Variants in PTPN3 observed in about 807,000 individuals in gnomAD.
PTPN3 encodes tyrosine-protein phosphatase non-receptor type 3.
Under a neutral mutation model 132.7 loss-of-function variants are expected in PTPN3, and 96 were observed. The ratio of observed to expected loss-of-function variants is 0.72; its 90% CI spans 0.61 to 0.86. The LOEUF (loss-of-function observed/expected upper bound fraction) is 0.86. PTPN3 is among the 40% of genes least tolerant of loss of function. The pLI, the probability that PTPN3 is intolerant of heterozygous loss-of-function variation, is 0.00. For synonymous variants in PTPN3, 398 were observed against 429.0 expected, an observed-to-expected ratio of 0.93 and a Z score of 0.89; for missense variants, 1,125 against 1,159.6, an observed-to-expected ratio of 0.97 and a Z score of 0.43.
chr9:109,462,685 G>A (rs995673436), intron 2 of PTPN3, among the ~76,000 whole-genome samples: 5 of 151,974 alleles, frequency 3.3e-5, no homozygotes, highest in Admixed American at 6.5e-5. Flanking sequence ...TGGAGACCTC[G>A]TTTCTAGTGC....
intron 1 of PTPN3, among the ~76,000 whole-genome samples, chr9:109,497,198 A>G (rs2132134829): frequency 6.6e-6 from 1 of 152,322 alleles, no homozygotes; most frequent in Non-Finnish European, 1.5e-5. Flanking sequence ...CTAGGCCCTG[A>G]AGATGGTTTC....
the PTPN3 span, chr9:109,533,781 G>T: frequency 8.2e-7 from 1 of 1,223,918 alleles, no homozygotes; most frequent in Non-Finnish European, 1.2e-6. Flanking sequence ...GGCCGGCGTG[G>T]TTGAGCCTGG....
intron 5 of PTPN3, chr9:109,449,458 C>T: frequency 2.0e-6 from 2 of 985,512 alleles, no homozygotes; most frequent in Non-Finnish European, 2.4e-6. Context: ...CTGAATTCTG[C>T]ACTCATCTCT....
upstream of PTPN3, among the ~76,000 whole-genome samples, chr9:109,500,982 T>C (rs2132141717): frequency 6.6e-6 from 1 of 152,116 alleles, no homozygotes; most frequent in Non-Finnish European, 1.5e-5. Context: ...AAACATGGTG[T>C]TGACACATTC....
chr9:109,412,539 A>C (rs966165836), intron 14 of PTPN3, among the ~76,000 whole-genome samples: 12 of 151,974 alleles, frequency 7.9e-5, no homozygotes, highest in African/African-American at 2.7e-4. Context: ...ACACCCGGCT[A>C]ATTTTTTATA....
chr9:109,436,555 T>C (rs12335520), intron 9 of PTPN3, among the ~76,000 whole-genome samples: 33,782 of 152,096 alleles, frequency 0.22, 4,105 homozygotes, highest in Admixed American at 0.31. Context: ...AAATCTTGGC[T>C]CCTTAAACCG....
the PTPN3 span, among the ~76,000 whole-genome samples, chr9:109,519,989 C>T: frequency 6.6e-6 from 1 of 152,084 alleles, no homozygotes; most frequent in Admixed American, 6.5e-5. Flanking sequence ...GAAACCCTGT[C>T]TCTACTAAAA....
chr9:109,489,165 C>G (rs1453045435), intron 1 of PTPN3, among the ~76,000 whole-genome samples: 1 of 152,190 alleles, frequency 6.6e-6, no homozygotes, highest in Non-Finnish European at 1.5e-5. Context: ...CCCTGTCCAT[C>G]TATCATAAAC....
chr9:109,445,363 G>A (rs1052389935), intron 6 of PTPN3, 71 bp from the exon 7 acceptor site: 16 of 1,323,980 alleles, frequency 1.2e-5, no homozygotes, highest in East Asian at 7.0e-5. Context: ...CAGATCATGC[G>A]TAGTAACACA....
chr9:109,436,640 T>C (rs1261156416), intron 9 of PTPN3, among the ~76,000 whole-genome samples: 1 of 152,172 alleles, frequency 6.6e-6, no homozygotes, highest in African/African-American at 2.4e-5. Flanking sequence ...CAAAAATTAC[T>C]AGTTTCTAGT....
At chr9:109,423,572 C>T (rs1424768597) in intron 12 of PTPN3, among the ~76,000 whole-genome samples, 1 of 152,180 alleles carries the variant, frequency 6.6e-6, no homozygotes, top group Admixed American at 6.5e-5. Context: ...CACCACTGCA[C>T]TCCAGTCTGG....
At chr9:109,421,645 T>G (rs1381691723) in intron 13 of PTPN3, among the ~76,000 whole-genome samples, 1 of 152,268 alleles carries the variant, frequency 6.6e-6, no homozygotes, top group Non-Finnish European at 1.5e-5. Flanking sequence ...TGCTGTGTTA[T>G]AGCATAAATT....
At chr9:109,438,272 T>A (rs1277981610) in intron 7 of PTPN3, 38 bp from the exon 8 acceptor site, 1 of 1,591,966 alleles carries the variant, frequency 6.3e-7, no homozygotes, top group Non-Finnish European at 8.5e-7. Flanking sequence ...ATAATTAGTT[T>A]TGCCTTTTTA....
At chr9:109,527,440 A>T in the PTPN3 span, among the ~76,000 whole-genome samples, 1 of 152,226 alleles carries the variant, frequency 6.6e-6, no homozygotes, top group Admixed American at 6.5e-5. Flanking sequence ...CAGCTTGGAT[A>T]ACGGAGCGAG....
At chr9:109,413,201 G>A (rs991653255) in intron 14 of PTPN3, among the ~76,000 whole-genome samples, 11 of 151,662 alleles carry the variant, frequency 7.3e-5, no homozygotes, top group Admixed American at 1.3e-4. Context: ...TGATCTGCCC[G>A]CCTCGGCCTC....
intron 9 of PTPN3, 144 bp from the exon 10 acceptor site, chr9:109,433,305 C>T (rs1564436609): frequency 7.5e-7 from 1 of 1,327,028 alleles, no homozygotes; most frequent in Admixed American, 3.0e-5. Flanking sequence ...GCAAAAAGCC[C>T]CACTTAACGG....
chr9:109,445,316 CA>C, intron 6 of PTPN3, 24 bp from the exon 7 acceptor site: 1 of 1,600,292 alleles, frequency 6.2e-7, no homozygotes, highest in Non-Finnish European at 8.6e-7. Flanking sequence ...AACATATTAG[CA>C]AAGTCACAAG....
At chr9:109,529,765 C>G in the PTPN3 span, among the ~76,000 whole-genome samples, 2 of 152,172 alleles carry the variant, frequency 1.3e-5, no homozygotes, top group Non-Finnish European at 2.9e-5. Context: ...TCCACAGAAC[C>G]TTCATCTTGC....
At chr9:109,534,981 C>G in the PTPN3 span, among the ~76,000 whole-genome samples, 5 of 152,172 alleles carry the variant, frequency 3.3e-5, no homozygotes, top group South Asian at 1.0e-3. Context: ...GGCTTACTTC[C>G]TTGGTAAAGT....
Sources: gnomAD v4.1 joint callset for allele counts (sites outside exome capture counted in the v4.1 genomes callset) on GRCh38, gnomAD v4.1.1 for gene constraint, MANE v1.5 for transcripts, NCBI Gene and HGNC (gene_info 2026-07-23, HGNC 2026-07-21) for gene names.